The following WNK2 variants were observed in gnomAD, a reference collection of about 807,000 sequenced individuals.
The protein encoded by WNK2 is WNK lysine deficient protein kinase 2.
Under a neutral mutation model 192.1 loss-of-function variants are expected in WNK2, and 67 were observed. That is an observed-to-expected ratio of 0.35 (90% CI 0.29 to 0.43). The LOEUF is 0.43. Ranked by LOEUF, WNK2 falls within the 20% of genes least tolerant of loss-of-function variation. WNK2 has a pLI of 1.00. For missense variants in WNK2, 2,698 were observed against 3,089.7 expected (o/e 0.87, Z 3.01); for synonymous variants, 1,439 against 1,393.9 (o/e 1.03, Z -0.72).
chr9:93,299,161 G>C lies in WNK2; in HGVS notation c.6015G>C (p.Gly2005=), dbSNP rs774482714. The change falls in exon 25 of 30, where the codon GGG becomes GGC. Residue 2005 remains glycine (G), a synonymous_variant. Coordinates refer to ENST00000427277, the MANE Select transcript of WNK2 (RefSeq NM_006648.4). ...CTGCAGACAGCACGGGCCTGAGCGG[G>C]AAGGCAGTGCAGACCCAGCAGCCCT... ...GLTADSTGLS[G]KAVQTQQPCS... 2.7e-5 allele frequency: 43 copies of C among 1,611,544 alleles called. 2 individuals carry two copies. The South Asian group carries it at 3.3e-4, about 12-fold the overall frequency.
In WNK2 at chr9:93,253,037, G is replaced by T. The variant is rs370163370; in HGVS notation, c.1989G>T (p.Pro663=). ...CTGTGAGCGAGGGGCCCGTCCTGCCGCAGAGCCTGCCCTCGCTGGGGGCCT... is the reference window on the plus strand; with the variant it reads ...CTGTGAGCGAGGGGCCCGTCCTGCCTCAGAGCCTGCCCTCGCTGGGGGCCT... ...SPPVSEGPVL[P]QSLPSLGAYQ... is the part of the protein sequence containing the mutation. Residue 663 remains proline (P), a synonymous_variant, in exon 9 of 30, where the codon CCG becomes CCT. Transcript: ENST00000427277. 4 of 1,535,364 alleles carry T rather than the reference G, an allele frequency of 2.6e-6. No homozygotes were observed. The highest frequency in any genetic ancestry group is 1.7e-4 in the Middle Eastern group (1 of 5,888).
rs960273457 is a variant in WNK2, at chr9:93,292,641, T to C, written c.5176T>C (p.Leu1726=). The part of the protein sequence containing the change: ...SHPQTLGARA[L]GSPRKRPEQQ... ...CCCCCAGACACTCGGCGCTCGAGCTTTGGGGTCCCCTCGGAAACGTCCAGA... is the reference window on the plus strand; with the variant it reads ...CCCCCAGACACTCGGCGCTCGAGCTCTGGGGTCCCCTCGGAAACGTCCAGA... Residue 1726 remains leucine (L), a synonymous_variant, in exon 23 of 30, where the codon TTG becomes CTG. Coordinates refer to ENST00000427277, the MANE Select transcript of WNK2 (RefSeq NM_006648.4). 2.3e-5 allele frequency: 37 copies of C among 1,584,262 alleles called. No individual in the cohort carries two copies. The highest frequency in any genetic ancestry group is 3.1e-5 in the Non-Finnish European group (36 of 1,166,214).
At chr9:93,295,466 C>T (rs922053467) in intron 23 of WNK2, among the ~76,000 whole-genome samples, 6 of 151,926 alleles carry the variant, frequency 3.9e-5, no homozygotes, top group Non-Finnish European at 7.4e-5. Context: ...AAACAAAAAG[C>T]CTATGTGGCA....
intron 26 of WNK2, among the ~76,000 whole-genome samples, chr9:93,303,540 A>C (rs573921929): frequency 3.2e-4 from 49 of 152,246 alleles, no homozygotes; most frequent in Admixed American, 7.8e-4. Flanking sequence ...GAGAGAGTGC[A>C]TGCTCAGCGA....
rs7874101 is a variant in WNK2 at position 93,229,613 on chromosome 9, T to C, written c.682-83T>C. On this transcript the variant is annotated intron_variant, in intron 2 of 29. Transcript: ENST00000427277. This position sits in a 1 kb window ranked among gnomAD's most constrained non-coding sequence, Gnocchi z 4.9. ...GGTATGGGAAGGGCTGGTCCTACTG[T>C]GTGGCGCTGCTGGGATGTGACGCCA... 218,053 of 1,474,438 alleles carry C rather than the reference T, an allele frequency of 0.15. 17,339 individuals carry two copies. The highest frequency in any genetic ancestry group is 0.28 in the South Asian group (20,941 of 75,694). The allele number at this position is 1,474,438 out of a possible 1,614,324, so 91.3% of individuals were successfully genotyped here. A position where few individuals can be genotyped will look rare whatever the true frequency, so the allele number is the denominator to read the frequency against.
chr9:93,286,834 A>G (rs1848507455), intron 19 of WNK2, among the ~76,000 whole-genome samples: 1 of 152,238 alleles, frequency 6.6e-6, no homozygotes, highest in Non-Finnish European at 1.5e-5. Flanking sequence ...AACCACAAAA[A>G]CAAGGAAACT....
chr9:93,232,609 C>T (rs1839017952), intron 4 of WNK2, among the ~76,000 whole-genome samples: 2 of 152,318 alleles, frequency 1.3e-5, no homozygotes, highest in Admixed American at 6.5e-5. Context: ...GAAGCACAGC[C>T]CACTGTGAAG....
At chr9:93,253,307 C>T (rs987608720) in intron 9 of WNK2, among the ~76,000 whole-genome samples, 2 of 151,776 alleles carry the variant, frequency 1.3e-5, no homozygotes, top group East Asian at 1.9e-4. Flanking sequence ...AACTGCTGGC[C>T]GAGTAGCCCT....
rs1264581851 is a variant in WNK2, at chr9:93,238,292, G to A, written c.1293G>A (p.Gly431=). The change falls in exon 6 of 30, where the codon GGG becomes GGA. Residue 431 remains glycine (G), a synonymous_variant. Transcript: ENST00000427277. ...ATCCTGAAATCAAGGAGATTATTGG[G>A]GAGTGTATCTGCAAAAACAAGGAGG... ...VHDPEIKEII[G]ECICKNKEER... 1 of 1,614,048 alleles carries A rather than the reference G, an allele frequency of 6.2e-7. No individual in the cohort carries two copies. Among genetic ancestry groups the A allele is most frequent in the East Asian group, 2.2e-5 (1 of 44,876 alleles).
chr9:93,263,190 T>C, intron 14 of WNK2: 1 of 398,830 alleles, frequency 2.5e-6, no homozygotes, highest in Non-Finnish European at 4.6e-6. Context: ...GGGCACTGCC[T>C]GGGCTTGGCA....
chr9:93,258,928 C>A lies in WNK2; in HGVS notation c.2383-3C>A. 6.2e-7 allele frequency: 1 copy of A among 1,608,858 alleles called. No homozygotes were observed. The highest frequency in any genetic ancestry group is 8.5e-7 in the Non-Finnish European group (1 of 1,177,292). On this transcript the variant is annotated splice_region_variant and splice_polypyrimidine_tract_variant and intron_variant, in intron 11 of 29. Coordinates refer to ENST00000427277, the MANE Select transcript of WNK2 (RefSeq NM_006648.4). ...CACTGACACACTCCTGTGTCTCTTTCAGATGCCCCCGATTCCTGTTGTGCC... is the reference window on the plus strand; with the variant it reads ...CACTGACACACTCCTGTGTCTCTTTAAGATGCCCCCGATTCCTGTTGTGCC...
intron 4 of WNK2, among the ~76,000 whole-genome samples, chr9:93,232,203 T>C (rs1380815604): frequency 6.6e-6 from 1 of 152,100 alleles, no homozygotes; most frequent in Non-Finnish European, 1.5e-5. Flanking sequence ...GTGGGGAAAA[T>C]GAGACTCCAG....
rs141558364 is a variant in WNK2, at chr9:93,304,343, C to G, written c.6215-2434C>G. Among the ~76,000 whole-genome samples the G allele has an allele frequency of 5.1e-3, 778 of 152,332 alleles. 5 individuals carry two copies. The highest frequency in any genetic ancestry group is 0.017 in the Middle Eastern group (5 of 294). ...TGCACAAAAGCAGGAGATGCCAAGT[C>G]CAAGAGCCGGCCCTCCTGTCGTCCT... On this transcript the variant is annotated intron_variant, in intron 26 of 29. Transcript: ENST00000427277.
In WNK2 at chr9:93,292,356, AG is replaced by A; in HGVS notation, c.4987del (p.Val1663TrpfsTer19). On this transcript the variant is annotated frameshift_variant, in exon 22 of 30. Transcript: ENST00000427277. LOFTEE classifies it high-confidence loss of function. The part of the protein sequence containing the change: ...SMLGYDRDGR[Q>X]VASDSHVVPS... ...CTAGGCTATGACAGAGATGGAAGGC[AG>A]GTGGCCTCAGACTCCCATGTGGTCC... 6.2e-7 allele frequency: 1 copy of A among 1,613,974 alleles called. No individual in the cohort carries two copies. Among genetic ancestry groups the A allele is most frequent in the Non-Finnish European group, 8.5e-7 (1 of 1,179,892 alleles).
intron 16 of WNK2, among the ~76,000 whole-genome samples, chr9:93,266,179 G>C (rs754696686): frequency 2.0e-5 from 3 of 152,168 alleles, no homozygotes; most frequent in Non-Finnish European, 4.4e-5. Flanking sequence ...TGGGACAGGC[G>C]CTGTTTAGAC....
intron 2 of WNK2, among the ~76,000 whole-genome samples, chr9:93,205,818 CT>C (rs547409499): frequency 6.6e-6 from 1 of 152,162 alleles, no homozygotes; most frequent in Non-Finnish European, 1.5e-5. Context: ...CTCCGAATGT[CT>C]TGCTGCTGGG....
At chr9:93,191,438 T>G (rs28496611) in intron 2 of WNK2, among the ~76,000 whole-genome samples, 2,749 of 152,086 alleles carry the variant, frequency 0.018, 84 homozygotes, top group African/African-American at 0.063. Flanking sequence ...GTCACCGCCC[T>G]GGGAGACAGA....
At chr9:93,190,104 G>A (rs1407422590) in intron 2 of WNK2, among the ~76,000 whole-genome samples, 2 of 152,232 alleles carry the variant, frequency 1.3e-5, no homozygotes, top group Non-Finnish European at 1.5e-5. Flanking sequence ...TTTCCTGGGC[G>A]AGATGTTTTC....
chr9:93,211,262 T>TTATTCACTCACA lies in WNK2; in HGVS notation c.682-18434_682-18433insTATTCACTCACA, dbSNP rs367747111. ...CTCATTCACTCACTCACTCATTCAC[T>TTATTCACTCACA]CATTCACTCACTCATCCACTCACTC... On this transcript the variant is annotated intron_variant, in intron 2 of 29. Transcript: ENST00000427277. Among the ~76,000 whole-genome samples, 24 of 3,320 alleles carry TTATTCACTCACA rather than the reference T, an allele frequency of 7.2e-3. 2 individuals carry two copies. Among genetic ancestry groups the TTATTCACTCACA allele is most frequent in the East Asian group, 0.031 (4 of 128 alleles). 2.2% of individuals were successfully genotyped at this position (3,320 alleles called of 152,430 possible).
Sources: allele counts gnomAD v4.1 joint callset (sites outside exome capture counted in the v4.1 genomes callset), GRCh38; gene constraint gnomAD v4.1.1; non-coding constraint Gnocchi (gnomAD v3.1); transcripts MANE v1.5; gene names NCBI Gene and HGNC (gene_info 2026-07-23, HGNC 2026-07-21).